THSD7B: variants seen among roughly 807,000 people sequenced by gnomAD.
The protein encoded by THSD7B is thrombospondin type 1 domain containing 7B, also known as thrombospondin type-1 domain-containing protein 7B.
THSD7B carries 138 observed loss-of-function variants against 213.6 expected under a neutral mutation model. The ratio of observed to expected loss-of-function variants is 0.65; its 90% CI spans 0.56 to 0.74. The LOEUF (loss-of-function observed/expected upper bound fraction) is 0.74, where lower values mean the gene tolerates loss of function less well. THSD7B is among the 30% of genes least tolerant of loss of function. The pLI is 0.00. For synonymous variants in THSD7B, 742 were observed against 687.0 expected (o/e 1.08, Z -1.25); for missense variants, 1,931 against 1,991.5 (o/e 0.97, Z 0.58).
chr2:136,926,204 A>G (rs564990019), intron 2 of THSD7B, among the ~76,000 whole-genome samples: 3 of 151,888 alleles, frequency 2.0e-5, no homozygotes, highest in African/African-American at 7.3e-5. Flanking sequence ...TCCTCCTATG[A>G]TTGTGGTCTC....
At chr2:137,422,953 G>T (rs1214645546) in intron 14 of THSD7B, among the ~76,000 whole-genome samples, 1 of 152,108 alleles carries the variant, frequency 6.6e-6, no homozygotes, top group Non-Finnish European at 1.5e-5. Flanking sequence ...AGAAGGCATT[G>T]TATGTTTTGA....
At chr2:136,971,102 A>G (rs1219936617) in intron 2 of THSD7B, among the ~76,000 whole-genome samples, 1 of 152,160 alleles carries the variant, frequency 6.6e-6, no homozygotes, top group African/African-American at 2.4e-5. Flanking sequence ...CTGGACACAA[A>G]ATATCTCAAA....
intron 1 of THSD7B, among the ~76,000 whole-genome samples, chr2:136,811,716 A>G (rs1306921433): frequency 2.0e-5 from 3 of 152,150 alleles, no homozygotes; most frequent in Admixed American, 2.0e-4. Flanking sequence ...ATCTTTTTGA[A>G]TTATTTTCCA....
intron 5 of THSD7B, among the ~76,000 whole-genome samples, chr2:137,157,614 A>C (rs554422833): frequency 6.6e-6 from 1 of 152,158 alleles, no homozygotes; most frequent in Non-Finnish European, 1.5e-5. Flanking sequence ...AATGACAAAT[A>C]CCGAGGTCAT....
chr2:137,131,304 G>A (rs1688727466), intron 5 of THSD7B, among the ~76,000 whole-genome samples: 1 of 151,704 alleles, frequency 6.6e-6, no homozygotes, highest in Non-Finnish European at 1.5e-5. Context: ...AGTAGGTTGT[G>A]AAAATTTTCT....
At chr2:137,129,423 C>T (rs1231097370) in intron 5 of THSD7B, among the ~76,000 whole-genome samples, 2 of 151,674 alleles carry the variant, frequency 1.3e-5, no homozygotes, top group African/African-American at 4.8e-5. Context: ...AATTCAAATC[C>T]CCTTTGAACA....
At chr2:137,258,400 A>T (rs997242167) in intron 10 of THSD7B, among the ~76,000 whole-genome samples, 5 of 151,866 alleles carry the variant, frequency 3.3e-5, no homozygotes, top group African/African-American at 1.2e-4. Flanking sequence ...CCTCTCAATG[A>T]TCCAGCCACA....
At chr2:137,439,065 T>A (rs1223932848) in intron 14 of THSD7B, among the ~76,000 whole-genome samples, 1 of 152,122 alleles carries the variant, frequency 6.6e-6, no homozygotes, top group African/African-American at 2.4e-5. Flanking sequence ...AGGCAAGGAT[T>A]TTCTCCTATA....
chr2:137,243,928 A>T (rs1450045523), intron 10 of THSD7B, among the ~76,000 whole-genome samples: 9 of 152,248 alleles, frequency 5.9e-5, no homozygotes, highest in Admixed American at 5.9e-4. Flanking sequence ...CTTTGAAAAT[A>T]CAGTGCTTTA....
At chr2:137,355,867 C>T (rs13384375) in intron 12 of THSD7B, among the ~76,000 whole-genome samples, 18,601 of 152,174 alleles carry the variant, frequency 0.12, 1,267 homozygotes, top group South Asian at 0.24. Flanking sequence ...ACATAGTGAG[C>T]GCTCTGTAAA....
At chr2:137,615,500 A>G (rs1682367199) in intron 17 of THSD7B, among the ~76,000 whole-genome samples, 1 of 152,224 alleles carries the variant, frequency 6.6e-6, no homozygotes, top group African/African-American at 2.4e-5. Context: ...ACCTGGGTCA[A>G]GAACATTATA....
intron 15 of THSD7B, among the ~76,000 whole-genome samples, chr2:137,548,238 C>T (rs916327820): frequency 1.4e-4 from 22 of 151,954 alleles, no homozygotes; most frequent in African/African-American, 5.3e-4. Flanking sequence ...AAACAGGAAA[C>T]TTGAATGTGT....
At chr2:137,565,798 G>T (rs1222865750) in intron 16 of THSD7B, among the ~76,000 whole-genome samples, 2 of 152,082 alleles carry the variant, frequency 1.3e-5, no homozygotes. Flanking sequence ...TTCTTATAAA[G>T]CCACCAGTCT....
In THSD7B at chr2:137,170,868, C is replaced by A; in HGVS notation, c.1653C>A (p.Ile551=). ...MCYRWLASEG[I]CFPDHGKCGL... ...ACCGATGGCTGGCATCAGAAGGGAT[C>A]TGTTTCCCTGATCATGGAAAATGTG... is the stretch of plus-strand genomic sequence containing the variant. Residue 551 remains isoleucine, a synonymous_variant, in exon 7 of 28, where the codon ATC becomes ATA. Coordinates refer to ENST00000409968, the MANE Select transcript of THSD7B (RefSeq NM_001316349.2). The A allele has an allele frequency of 6.2e-7, 1 of 1,613,592 alleles. No homozygotes were observed. The highest frequency in any genetic ancestry group is 8.5e-7 in the Non-Finnish European group (1 of 1,179,780).
At chr2:137,470,577 G>A (rs1251811990) in intron 15 of THSD7B, among the ~76,000 whole-genome samples, 1 of 152,210 alleles carries the variant, frequency 6.6e-6, no homozygotes, top group Non-Finnish European at 1.5e-5. Flanking sequence ...TGAAAGAAGA[G>A]CACTGGAAAC....
chr2:137,598,830 G>GTT (rs1419201149), intron 17 of THSD7B, among the ~76,000 whole-genome samples: 1 of 149,068 alleles, frequency 6.7e-6, no homozygotes, highest in East Asian at 2.0e-4. Flanking sequence ...TTTTTCTCTT[G>GTT]TTTTCTTTCC....
intron 2 of THSD7B, among the ~76,000 whole-genome samples, chr2:136,997,895 G>T (rs1003121676): frequency 1.3e-5 from 2 of 152,074 alleles, no homozygotes; most frequent in African/African-American, 4.8e-5. Context: ...CAGTCAAGCG[G>T]GAGGACATGG....
chr2:136,854,777 T>C (rs1683153083), intron 1 of THSD7B, among the ~76,000 whole-genome samples: 1 of 151,792 alleles, frequency 6.6e-6, no homozygotes, highest in South Asian at 2.1e-4. Context: ...CATTTTGTGC[T>C]CCCAGCTCAT....
Position 137,519,507 on chromosome 2 carries a change from T to C in THSD7B, c.3139-43714T>C, listed in dbSNP as rs368056697. ...AGAACTTGGGCTCCCACTGCTGCTA[T>C]CACTATAGGAGGGTTCATCAGAAAC... On this transcript the variant is annotated intron_variant, in intron 15 of 27. Transcript: ENST00000409968. Among the ~76,000 whole-genome samples, 11 of 152,318 alleles carry C rather than the reference T, an allele frequency of 7.2e-5. No homozygotes were observed. In the East Asian group the frequency reaches 2.1e-3, roughly 29 times the overall value.
Sources: gnomAD v4.1 joint callset for allele counts (sites outside exome capture counted in the v4.1 genomes callset) on GRCh38, gnomAD v4.1.1 for gene constraint, MANE v1.5 for transcripts, NCBI Gene and HGNC (gene_info 2026-07-23, HGNC 2026-07-21) for gene names.